Variants in GRIK2 observed in about 807,000 individuals in gnomAD.
GRIK2 encodes the protein glutamate receptor ionotropic, kainate 2.
GRIK2 carries 32 observed loss-of-function variants against 100.3 expected under a neutral mutation model. The ratio of observed to expected loss-of-function variants is 0.32; its 90% CI spans 0.24 to 0.43. The LOEUF is 0.43. Among genes scored for constraint, GRIK2 ranks in the 20% least tolerant of loss-of-function variants. GRIK2 has a pLI of 1.00. For missense variants in GRIK2, 843 were observed against 1,114.9 expected (o/e 0.76, Z 3.47); for synonymous variants, 417 against 389.4 (o/e 1.07, Z -0.83).
At chr6:101,963,971 C>T (rs990652393) in intron 14 of GRIK2, among the ~76,000 whole-genome samples, 2 of 151,790 alleles carry the variant, frequency 1.3e-5, no homozygotes, top group Non-Finnish European at 2.9e-5. Flanking sequence ...GCAAAATATG[C>T]ACCACTGCTC....
At chr6:101,756,109 A>C (rs757253384) in intron 7 of GRIK2, among the ~76,000 whole-genome samples, 1 of 152,168 alleles carries the variant, frequency 6.6e-6, no homozygotes, top group Non-Finnish European at 1.5e-5. Context: ...ACATGATGCC[A>C]TTCCTTGTTA....
chr6:101,779,721 A>G (rs1433553661), intron 7 of GRIK2, among the ~76,000 whole-genome samples: 4 of 152,090 alleles, frequency 2.6e-5, no homozygotes, highest in Admixed American at 2.0e-4. Flanking sequence ...CTGCTGCACT[A>G]TACCCTCAGA....
intron 2 of GRIK2, among the ~76,000 whole-genome samples, chr6:101,562,487 C>T (rs1315887179): frequency 6.6e-6 from 1 of 151,518 alleles, no homozygotes; most frequent in Admixed American, 6.6e-5. Flanking sequence ...TACAGGCATG[C>T]ACCACCAGGC....
chr6:102,016,553 TA>T lies in GRIK2; in HGVS notation c.2086-18781del, dbSNP rs566349306. On this transcript the variant is annotated intron_variant, in intron 14 of 16. Transcript: ENST00000369134. ...ATAATAATAATACAAAAAAAATAAA[TA>T]AAAAAATTCAAAAAAAATTTAAAAA... Among the ~76,000 whole-genome samples the T allele has an allele frequency of 2.8e-5, 4 of 143,918 alleles. No homozygotes were observed. The East Asian group carries it at 6.2e-4, about 22-fold the overall frequency. The allele number at this position is 143,918 out of a possible 152,430, so 94.4% of individuals were successfully genotyped here.
chr6:102,005,382 C>T (rs1404914157), intron 14 of GRIK2, among the ~76,000 whole-genome samples: 2 of 151,860 alleles, frequency 1.3e-5, no homozygotes, highest in Non-Finnish European at 2.9e-5. Context: ...TATAAATTAG[C>T]ATAATTTTAT....
chr6:101,785,598 T>C (rs893425745), intron 7 of GRIK2, among the ~76,000 whole-genome samples: 25 of 152,148 alleles, frequency 1.6e-4, no homozygotes, highest in African/African-American at 6.0e-4. Flanking sequence ...CGTATATTCT[T>C]GGCTCCTTTT....
intron 4 of GRIK2, among the ~76,000 whole-genome samples, chr6:101,627,180 C>T (rs949004483): frequency 9.9e-5 from 15 of 151,588 alleles, no homozygotes; most frequent in African/African-American, 2.4e-4. Context: ...GTCACTCTGT[C>T]GCCCAGGCTG....
At chr6:101,629,350 T>C (rs1780604053) in intron 4 of GRIK2, among the ~76,000 whole-genome samples, 1 of 152,126 alleles carries the variant, frequency 6.6e-6, no homozygotes, top group Admixed American at 6.6e-5. Context: ...AACATATTGC[T>C]GTTCCATTTT....
intron 2 of GRIK2, among the ~76,000 whole-genome samples, chr6:101,418,388 G>C (rs956413369): frequency 1.3e-5 from 2 of 151,980 alleles, no homozygotes; most frequent in African/African-American, 4.8e-5. Context: ...TTATGGACTG[G>C]TACTAGATTA....
intron 14 of GRIK2, among the ~76,000 whole-genome samples, chr6:101,984,084 A>G (rs1355173879): frequency 6.6e-6 from 1 of 151,834 alleles, no homozygotes; most frequent in Non-Finnish European, 1.5e-5. Flanking sequence ...TACTACAGCT[A>G]CATGAAAGTA....
At chr6:101,551,583 A>G (rs1325111881) in intron 2 of GRIK2, among the ~76,000 whole-genome samples, 1 of 152,150 alleles carries the variant, frequency 6.6e-6, no homozygotes, top group Non-Finnish European at 1.5e-5. Flanking sequence ...GATTTATTTA[A>G]TAAACAAGAA....
chr6:101,791,824 A>T (rs909325590), intron 7 of GRIK2, among the ~76,000 whole-genome samples: 9 of 151,652 alleles, frequency 5.9e-5, no homozygotes, highest in Admixed American at 4.6e-4. Context: ...GTCTCCCATT[A>T]TTATTGTGTG....
chr6:101,470,420 T>A (rs1771883892), intron 2 of GRIK2, among the ~76,000 whole-genome samples: 1 of 152,202 alleles, frequency 6.6e-6, no homozygotes. Context: ...CTTTCCAATT[T>A]CTTTGCTCAG....
At position 101,584,564 on chromosome 6, in the gene GRIK2, TAGA is replaced by T. The variant is rs761436498; in HGVS notation, c.116-37380_116-37378del. ...ATAGGACTATTTGAGGAACAAAATC[TAGA>T]AGAACAAAGTCAAAAGAATGAATCA... is the stretch of plus-strand genomic sequence containing the variant. On this transcript the variant is annotated intron_variant, in intron 2 of 16. Transcript: ENST00000369134. 8.5e-4 allele frequency among the ~76,000 whole-genome samples: 130 copies of T among 152,162 alleles called. 1 individual carries two copies. The highest frequency in any genetic ancestry group is 3.0e-3 in the Admixed American group (46 of 15,244).
At chr6:101,848,259 G>C (rs546919441) in intron 10 of GRIK2, among the ~76,000 whole-genome samples, 15 of 152,024 alleles carry the variant, frequency 9.9e-5, no homozygotes, top group Non-Finnish European at 1.8e-4. Context: ...TTTCCTTGTC[G>C]TTGTAAGTTT....
At position 101,729,229 on chromosome 6, in the gene GRIK2, A is replaced by C. The variant is rs558198133; in HGVS notation, c.951+42876A>C. On this transcript the variant is annotated intron_variant, in intron 7 of 16. Coordinates refer to ENST00000369134, the MANE Select transcript of GRIK2 (RefSeq NM_021956.5). Reference sequence around the variant, plus strand: ...AAAGTAAAAACCATTTAGCATCAGTAACATGGATCAGCATCCATGATTATG... The same window carrying C: ...AAAGTAAAAACCATTTAGCATCAGTCACATGGATCAGCATCCATGATTATG... Among the ~76,000 whole-genome samples, 4 of 152,140 alleles carry C rather than the reference A, an allele frequency of 2.6e-5. No homozygotes were observed. In the South Asian group the frequency reaches 8.3e-4, roughly 31 times the overall value.
intron 7 of GRIK2, among the ~76,000 whole-genome samples, chr6:101,706,536 G>T (rs1265059613): frequency 6.6e-6 from 1 of 151,892 alleles, no homozygotes. Context: ...GACAAGATGA[G>T]ATTAGATGCA....
intron 10 of GRIK2, among the ~76,000 whole-genome samples, chr6:101,818,881 G>A (rs925209749): frequency 2.6e-5 from 4 of 151,838 alleles, no homozygotes; most frequent in African/African-American, 7.3e-5. Context: ...ATAGGGCATG[G>A]CACTTATTTT....
chr6:102,000,850 T>C (rs1216669101), intron 14 of GRIK2, among the ~76,000 whole-genome samples: 9 of 152,128 alleles, frequency 5.9e-5, no homozygotes, highest in Admixed American at 5.9e-4. Context: ...TAGATTTTCA[T>C]TGATTTTCTC....
Sources: gnomAD v4.1 joint callset for allele counts (sites outside exome capture counted in the v4.1 genomes callset) on GRCh38, gnomAD v4.1.1 for gene constraint, MANE v1.5 for transcripts, NCBI Gene and HGNC (gene_info 2026-07-23, HGNC 2026-07-21) for gene names.